ERCC6L2: variants seen among roughly 807,000 people sequenced by gnomAD.
ERCC6L2 encodes ERCC excision repair 6 like 2, also known as DNA excision repair protein ERCC-6-like 2.
In ERCC6L2, 77 loss-of-function variants were observed where a neutral mutation model predicts 132.0. That is an observed-to-expected ratio of 0.58 (90% CI 0.49 to 0.71). The LOEUF is 0.71. Among genes scored for constraint, ERCC6L2 ranks in the 30% least tolerant of loss-of-function variants. ERCC6L2 has a pLI of 0.00. For missense variants in ERCC6L2, 1,542 were observed against 1,837.6 expected, an observed-to-expected ratio of 0.84 and a Z score of 2.94; for synonymous variants, 583 against 632.4, an observed-to-expected ratio of 0.92 and a Z score of 1.17.
chr9:95,921,277 T>C lies in ERCC6L2; in HGVS notation c.1261T>C (p.Cys421Arg). 1 of 1,613,266 alleles carries C rather than the reference T, an allele frequency of 6.2e-7. No individual in the cohort carries two copies. The highest frequency in any genetic ancestry group is 1.3e-5 in the African/African-American group (1 of 75,014). Residue 421 changes from cysteine to arginine, a missense_variant, in exon 7 of 19, where the codon TGT (cysteine) becomes CGT (arginine). Around this residue, in one of 4 missense-constraint regions of ERCC6L2, gnomAD observed 945 missense variants for 1,105.2 expected, o/e 0.86. Coordinates refer to ENST00000653738, the MANE Select transcript of ERCC6L2 (RefSeq NM_020207.7). ...ACTTCAATCTTCTGAGCCTTGTACC[T>C]GTAGGAGTGGCCAAAAAAGGAGAAA... The part of the protein sequence containing the change: ...LILQSSEPCT[C>R]RSGQKRRNCC...
intron 17 of ERCC6L2, among the ~76,000 whole-genome samples, chr9:95,981,435 A>G (rs959632931): frequency 5.3e-5 from 8 of 152,222 alleles, no homozygotes; most frequent in Admixed American, 3.9e-4. Context: ...AACATATTTT[A>G]TAAATGTTCT....
At chr9:95,923,526 AT>A in intron 9 of ERCC6L2, 147 bp downstream of exon 9, 1 of 856,864 alleles carries the variant, frequency 1.2e-6, no homozygotes, top group Non-Finnish European at 1.8e-6. Context: ...TTGTATCAGC[AT>A]TTACTAGGTC....
chr9:95,918,417 C>A (rs1355401815), intron 6 of ERCC6L2: 3 of 396,050 alleles, frequency 7.6e-6, no homozygotes, highest in Admixed American at 3.0e-5. Context: ...ACTGAAGGAA[C>A]AAGAAAACGA....
At chr9:95,883,561 A>G (rs559383990) in intron 2 of ERCC6L2, among the ~76,000 whole-genome samples, 1 of 152,306 alleles carries the variant, frequency 6.6e-6, no homozygotes, top group East Asian at 1.9e-4. Flanking sequence ...TGCATGTTCA[A>G]CTTCAAAATA....
At chr9:95,927,021 A>T (rs1163264717) in intron 9 of ERCC6L2, among the ~76,000 whole-genome samples, 2 of 152,146 alleles carry the variant, frequency 1.3e-5, no homozygotes, top group Admixed American at 1.3e-4. Context: ...CAAATTACAT[A>T]CTTCATATAG....
chr9:95,924,901 G>C (rs889572762), intron 9 of ERCC6L2, among the ~76,000 whole-genome samples: 2 of 152,110 alleles, frequency 1.3e-5, no homozygotes, highest in Non-Finnish European at 2.9e-5. Context: ...CAAACAGATG[G>C]ATAGTAATAA....
At chr9:95,950,298 T>C (rs994489554) in intron 12 of ERCC6L2, among the ~76,000 whole-genome samples, 2 of 152,192 alleles carry the variant, frequency 1.3e-5, no homozygotes, top group East Asian at 1.9e-4. Flanking sequence ...TAGGATATTA[T>C]ATGTAATCCC....
At chr9:95,879,621 C>A (rs1197381934) in intron 1 of ERCC6L2, among the ~76,000 whole-genome samples, 1 of 152,042 alleles carries the variant, frequency 6.6e-6, no homozygotes, top group Non-Finnish European at 1.5e-5. Flanking sequence ...CAGTTTGGGT[C>A]CAGAGAGTAG....
At chr9:96,026,153 C>T (rs1383895457) in intron 19 of ERCC6L2, among the ~76,000 whole-genome samples, 1 of 152,182 alleles carries the variant, frequency 6.6e-6, no homozygotes, top group Non-Finnish European at 1.5e-5. Context: ...CCGGCCCGGG[C>T]GGGATGTGGG....
In ERCC6L2 at chr9:95,916,371, T is replaced by C. The variant is rs147782697; in HGVS notation, c.1095T>C (p.Ser365=). ...KAMQRLAKKM[S]GWFLRRTKTL... Reference sequence around the variant, plus strand: ...TGCAAAGACTTGCCAAAAAGATGTCTGGCTGGTTTCTCAGGCGCACCAAGA... The same window carrying C: ...TGCAAAGACTTGCCAAAAAGATGTCCGGCTGGTTTCTCAGGCGCACCAAGA... The change falls in exon 6 of 19, where the codon TCT becomes TCC. Residue 365 remains serine (S), a synonymous_variant. Coordinates refer to ENST00000653738, the MANE Select transcript of ERCC6L2 (RefSeq NM_020207.7). 1.4e-4 allele frequency: 227 copies of C among 1,609,578 alleles called. No individual in the cohort carries two copies. In the African/African-American group the frequency reaches 2.8e-3, roughly 20 times the overall value.
chr9:96,037,002 G>A (rs1282495425), intron 19 of ERCC6L2, among the ~76,000 whole-genome samples: 2 of 151,790 alleles, frequency 1.3e-5, no homozygotes, highest in East Asian at 3.9e-4. Context: ...TCCTGACCTC[G>A]TGATCCGCCC....
Position 95,953,034 on chromosome 9 carries a change from A to C in ERCC6L2, c.1848-2880A>C, listed in dbSNP as rs139396874. ...TGTACCTAGAGTCATCAAATTCACA[A>C]AGACAGAAAAGAGAATGGTAGTTGC... On this transcript the variant is annotated intron_variant, in intron 12 of 18. Transcript: ENST00000653738. 1.1e-4 allele frequency among the ~76,000 whole-genome samples: 16 copies of C among 152,292 alleles called. No individual in the cohort carries two copies. The East Asian group carries it at 2.9e-3, about 28-fold the overall frequency.
chr9:95,919,539 G>A (rs1468649351), intron 6 of ERCC6L2, among the ~76,000 whole-genome samples: 1 of 152,084 alleles, frequency 6.6e-6, no homozygotes, highest in Non-Finnish European at 1.5e-5. Context: ...CTAGATCAGA[G>A]GGTCATAAGG....
At chr9:96,025,800 G>GC (rs1445666291) in intron 19 of ERCC6L2, 7 of 152,228 alleles carry the variant, frequency 4.6e-5, no homozygotes, top group Non-Finnish European at 8.8e-5. Flanking sequence ...AAGGAACTGT[G>GC]CGCGGTGTTA....
At chr9:95,984,059 G>A (rs1397669445) in intron 17 of ERCC6L2, among the ~76,000 whole-genome samples, 1 of 149,642 alleles carries the variant, frequency 6.7e-6, no homozygotes, top group Admixed American at 6.8e-5. Context: ...CACATGGGTT[G>A]AATGTATCCT....
chr9:95,892,347 T>A (rs1828215474), intron 2 of ERCC6L2, among the ~76,000 whole-genome samples: 1 of 151,958 alleles, frequency 6.6e-6, no homozygotes, highest in Non-Finnish European at 1.5e-5. Flanking sequence ...AGTGAATATC[T>A]GTAGGATAGA....
chr9:95,949,613 C>T (rs145853386), intron 12 of ERCC6L2, among the ~76,000 whole-genome samples: 207 of 152,068 alleles, frequency 1.4e-3, no homozygotes, highest in African/African-American at 4.7e-3. Context: ...AAGTGTTTAC[C>T]GAGAATTTTA....
rs756954700 is a variant in ERCC6L2 at position 96,002,978 on chromosome 9, CTA to C, written c.3493-1540_3493-1539del. Among the ~76,000 whole-genome samples, 5 of 152,140 alleles carry C rather than the reference CTA, an allele frequency of 3.3e-5. No homozygotes were observed. In the East Asian group the frequency reaches 7.7e-4, roughly 23 times the overall value. Reference sequence around the variant, plus strand: ...ATATGTCTTCTGTCTCTTAACTTCCCTATTTTTTTTAATCTCTGCACTTAATT... The same window carrying C: ...ATATGTCTTCTGTCTCTTAACTTCCCTTTTTTTTAATCTCTGCACTTAATT... On this transcript the variant is annotated intron_variant, in intron 17 of 18. Coordinates refer to ENST00000653738, the MANE Select transcript of ERCC6L2 (RefSeq NM_020207.7).
chr9:96,001,189 G>C lies in ERCC6L2; in HGVS notation c.3493-3331G>C, dbSNP rs548225817. Among the ~76,000 whole-genome samples the C allele has an allele frequency of 4.2e-4, 64 of 152,294 alleles. 1 individual carries two copies. Among genetic ancestry groups the C allele is most frequent in the South Asian group, 1.9e-3 (9 of 4,828 alleles). On this transcript the variant is annotated intron_variant, in intron 17 of 18. Coordinates refer to ENST00000653738, the MANE Select transcript of ERCC6L2 (RefSeq NM_020207.7). ...CTCATAAAAGCAGCGTGGACCCAAAGAGTGAGCAGTAGCAAGATTTATTGC... is the reference window on the plus strand; with the variant it reads ...CTCATAAAAGCAGCGTGGACCCAAACAGTGAGCAGTAGCAAGATTTATTGC...
Sources: gnomAD v4.1 joint callset for allele counts (sites outside exome capture counted in the v4.1 genomes callset) on GRCh38, gnomAD v4.1.1 for gene constraint, gnomAD v4.1.1 regional missense constraint, MANE v1.5 for transcripts, NCBI Gene and HGNC (gene_info 2026-07-23, HGNC 2026-07-21) for gene names.